TSHZ2: variants seen among roughly 807,000 people sequenced by gnomAD.
TSHZ2 encodes teashirt zinc finger homeobox 2, also known as teashirt homolog 2.
Under a neutral mutation model 74.4 loss-of-function variants are expected in TSHZ2, and 21 were observed. The ratio of observed to expected loss-of-function variants is 0.28; its 90% CI spans 0.20 to 0.41. The LOEUF (loss-of-function observed/expected upper bound fraction) is 0.41. Ranked by LOEUF, TSHZ2 falls within the 10% of genes least tolerant of loss-of-function variation. The pLI is 1.00. For synonymous variants in TSHZ2, 540 were observed against 515.3 expected (o/e 1.05, Z -0.65); for missense variants, 1,244 against 1,293.5 (o/e 0.96, Z 0.59).
At chr20:53,302,003 C>T (rs1397061896) in intron 2 of TSHZ2, among the ~76,000 whole-genome samples, 1 of 152,114 alleles carries the variant, frequency 6.6e-6, no homozygotes, top group East Asian at 1.9e-4. Flanking sequence ...AGGGAGGCCG[C>T]GGGGAGTGGT....
intron 2 of TSHZ2, among the ~76,000 whole-genome samples, chr20:53,372,040 T>C (rs562510682): frequency 6.6e-6 from 1 of 152,282 alleles, no homozygotes; most frequent in African/African-American, 2.4e-5. Context: ...TCTGTGTTTC[T>C]GTGTCCTCAG....
At chr20:53,276,462 A>G (rs926447054) in intron 2 of TSHZ2, among the ~76,000 whole-genome samples, 11 of 152,240 alleles carry the variant, frequency 7.2e-5, no homozygotes, top group Non-Finnish European at 1.5e-4. Context: ...CCAGTGAGGA[A>G]CCATGGTCAG....
At chr20:53,229,686 C>G (rs1442073319) in intron 1 of TSHZ2, among the ~76,000 whole-genome samples, 1 of 151,846 alleles carries the variant, frequency 6.6e-6, no homozygotes, top group Non-Finnish European at 1.5e-5. Flanking sequence ...GGGAGCAGCA[C>G]TCTCTTCTCT....
At chr20:53,019,228 G>T (rs1983147114) in intron 1 of TSHZ2, among the ~76,000 whole-genome samples, 1 of 149,454 alleles carries the variant, frequency 6.7e-6, no homozygotes, top group African/African-American at 2.5e-5. Context: ...GTTTCAAATA[G>T]ACAAGTGTTA....
At chr20:53,477,936 G>A (rs1369715152) in intron 2 of TSHZ2, among the ~76,000 whole-genome samples, 2 of 149,664 alleles carry the variant, frequency 1.3e-5, no homozygotes, top group Non-Finnish European at 3.0e-5. Flanking sequence ...GGCCATCAGA[G>A]AAATGCAAAT....
chr20:53,482,252 G>A (rs1297346840), intron 2 of TSHZ2, among the ~76,000 whole-genome samples: 1 of 151,896 alleles, frequency 6.6e-6, no homozygotes, highest in African/African-American at 2.4e-5. Flanking sequence ...TGGTTGAAGA[G>A]ACAAGAATGA....
At chr20:53,308,056 G>A (rs1262654841) in intron 2 of TSHZ2, among the ~76,000 whole-genome samples, 3 of 152,180 alleles carry the variant, frequency 2.0e-5, no homozygotes, top group Admixed American at 6.5e-5. Context: ...CTTCTCCCAC[G>A]ACATAGTGAA....
At chr20:53,311,924 A>G (rs1978807282) in intron 2 of TSHZ2, among the ~76,000 whole-genome samples, 1 of 152,112 alleles carries the variant, frequency 6.6e-6, no homozygotes, top group South Asian at 2.1e-4. Flanking sequence ...TCTACAAAAA[A>G]TAAAAGATTA....
intron 1 of TSHZ2, among the ~76,000 whole-genome samples, chr20:53,175,131 C>CTTTTTTTTTTTTTTTTTT (rs750453219): frequency 1.6e-4 from 10 of 63,640 alleles, no homozygotes; most frequent in African/African-American, 2.9e-4. Flanking sequence ...CTTCTTCTTT[C>CTTTTTTTTTTTTTTTTTT]TTTTTTTTTT....
chr20:53,429,467 C>T (rs1169372764), intron 2 of TSHZ2, among the ~76,000 whole-genome samples: 2 of 152,204 alleles, frequency 1.3e-5, no homozygotes, highest in Non-Finnish European at 2.9e-5. Flanking sequence ...GAATAAGTCT[C>T]ACGAGACCTG....
intron 1 of TSHZ2, among the ~76,000 whole-genome samples, chr20:53,122,701 C>T (rs374352652): frequency 5.9e-5 from 9 of 152,070 alleles, no homozygotes; most frequent in African/African-American, 1.9e-4. Context: ...GGATATTTTT[C>T]GGCAAGGCTG....
At chr20:53,168,163 G>C (rs1293395) in intron 1 of TSHZ2, among the ~76,000 whole-genome samples, 2 of 152,102 alleles carry the variant, frequency 1.3e-5, no homozygotes, top group Non-Finnish European at 2.9e-5. Context: ...ATTTGTTCAG[G>C]GTTTGTCCAA....
At chr20:53,171,001 TAC>T (rs1988187782) in intron 1 of TSHZ2, among the ~76,000 whole-genome samples, 2 of 152,240 alleles carry the variant, frequency 1.3e-5, no homozygotes, top group Non-Finnish European at 2.9e-5. Context: ...TACATGTCCT[TAC>T]AGTCTGTCCA....
intron 2 of TSHZ2, among the ~76,000 whole-genome samples, chr20:53,444,990 G>T (rs192844034): frequency 6.6e-6 from 1 of 152,276 alleles, no homozygotes; most frequent in African/African-American, 2.4e-5. Context: ...CATTGAGGCC[G>T]ATGTGGTTCA....
At chr20:53,460,995 T>C (rs944999029) in intron 2 of TSHZ2, among the ~76,000 whole-genome samples, 6 of 152,318 alleles carry the variant, frequency 3.9e-5, no homozygotes, top group African/African-American at 1.4e-4. Context: ...TGTCTTTTTG[T>C]TTGTCTGTGC....
At chr20:53,069,362 G>A (rs190081392) in intron 1 of TSHZ2, among the ~76,000 whole-genome samples, 15 of 152,182 alleles carry the variant, frequency 9.9e-5, no homozygotes, top group African/African-American at 2.2e-4. Context: ...CCCCTCCACC[G>A]TTGGGGGAGG....
At chr20:53,449,200 C>T (rs1984675508) in intron 2 of TSHZ2, among the ~76,000 whole-genome samples, 1 of 152,124 alleles carries the variant, frequency 6.6e-6, no homozygotes, top group Non-Finnish European at 1.5e-5. Context: ...ACATGTGGTC[C>T]CTGGAGTCAG....
At chr20:53,126,276 CA>C (rs1323051138) in intron 1 of TSHZ2, among the ~76,000 whole-genome samples, 1 of 152,210 alleles carries the variant, frequency 6.6e-6, no homozygotes, top group East Asian at 1.9e-4. Context: ...TGTGCGATCA[CA>C]CAGCATTCAT....
chr20:53,327,379 C>T (rs1205037794), intron 2 of TSHZ2, among the ~76,000 whole-genome samples: 1 of 152,146 alleles, frequency 6.6e-6, no homozygotes, highest in Non-Finnish European at 1.5e-5. Context: ...GTCCCAGCTA[C>T]TCGGGAGGCT....
Sources: gnomAD v4.1 joint callset for allele counts (sites outside exome capture counted in the v4.1 genomes callset) on GRCh38, gnomAD v4.1.1 for gene constraint, MANE v1.5 for transcripts, NCBI Gene and HGNC (gene_info 2026-07-23, HGNC 2026-07-21) for gene names.